FGGY: variants seen among roughly 807,000 people sequenced by gnomAD.
FGGY encodes the protein FGGY carbohydrate kinase domain containing, also known as FGGY carbohydrate kinase domain-containing protein.
Under a neutral mutation model 71.3 loss-of-function variants are expected in FGGY, and 72 were observed. That is an observed-to-expected ratio of 1.01 (90% CI 0.84 to 1.23). The LOEUF (loss-of-function observed/expected upper bound fraction) is 1.23, where lower values mean the gene tolerates loss of function less well. Among genes scored for constraint, FGGY ranks in the 50% most tolerant of loss-of-function variants. FGGY has a pLI of 0.00. For missense variants in FGGY, 668 were observed against 682.3 expected, an observed-to-expected ratio of 0.98 and a Z score of 0.23; for synonymous variants, 251 against 250.3, an observed-to-expected ratio of 1.00 and a Z score of -0.02.
intron 1 of FGGY, among the ~76,000 whole-genome samples, chr1:59,298,366 G>A (rs1474020953): frequency 2.0e-5 from 3 of 152,138 alleles, no homozygotes. Flanking sequence ...TGGGCCTGGA[G>A]ATCAATTTTG....
At chr1:59,335,770 G>A (rs116587353) in intron 2 of FGGY, among the ~76,000 whole-genome samples, 1,806 of 152,164 alleles carry the variant, frequency 0.012, 16 homozygotes, top group Non-Finnish European at 0.017. Flanking sequence ...CTAATGATTT[G>A]AGCACTTTTT....
intron 8 of FGGY, among the ~76,000 whole-genome samples, chr1:59,591,598 C>T (rs1263920910): frequency 3.3e-5 from 5 of 152,062 alleles, no homozygotes; most frequent in African/African-American, 1.2e-4. Flanking sequence ...GAGATATAGA[C>T]CAATGTAACA....
intron 4 of FGGY, among the ~76,000 whole-genome samples, chr1:59,360,127 G>GTTGTTA (rs60160244): frequency 2.2e-3 from 320 of 145,710 alleles, no homozygotes; most frequent in African/African-American, 7.6e-3. Flanking sequence ...TTCTATCATT[G>GTTGTTA]TTATTATTAT....
intron 1 of FGGY, among the ~76,000 whole-genome samples, chr1:59,306,792 A>G (rs2043501815): frequency 6.6e-6 from 1 of 152,236 alleles, no homozygotes; most frequent in African/African-American, 2.4e-5. Context: ...TATAGAGTGC[A>G]CTTAGGAAGG....
At chr1:59,355,574 A>G (rs1288629175) in intron 4 of FGGY, among the ~76,000 whole-genome samples, 1 of 148,974 alleles carries the variant, frequency 6.7e-6, no homozygotes, top group Non-Finnish European at 1.5e-5. Flanking sequence ...TTTTGGGCTT[A>G]TTTTCCTAAA....
intron 6 of FGGY, among the ~76,000 whole-genome samples, chr1:59,500,093 G>T (rs1389774719): frequency 6.6e-6 from 1 of 152,114 alleles, no homozygotes; most frequent in African/African-American, 2.4e-5. Context: ...ATGCTTGGTT[G>T]TCAGGACAAC....
intron 5 of FGGY, among the ~76,000 whole-genome samples, chr1:59,418,835 G>A (rs2064937596): frequency 1.3e-5 from 2 of 152,086 alleles, no homozygotes; most frequent in Admixed American, 6.5e-5. Flanking sequence ...TAGTGAAAAA[G>A]CAGCCTAAGA....
intron 14 of FGGY, among the ~76,000 whole-genome samples, chr1:59,679,969 C>T (rs2097480394): frequency 6.6e-6 from 1 of 152,098 alleles, no homozygotes; most frequent in Non-Finnish European, 1.5e-5. Context: ...AAATTAGAGG[C>T]ATATAATTGT....
intron 11 of FGGY, 29 bp downstream of exon 11, chr1:59,638,404 G>A: frequency 6.2e-7 from 1 of 1,612,284 alleles, no homozygotes; most frequent in Non-Finnish European, 8.5e-7. Context: ...TTGCACATGG[G>A]TGAAGGCAGG....
chr1:59,608,662 A>G (rs1401722737), intron 9 of FGGY, among the ~76,000 whole-genome samples: 5 of 152,076 alleles, frequency 3.3e-5, no homozygotes, highest in African/African-American at 1.2e-4. Flanking sequence ...GTGAAACCTC[A>G]TCTCTACTAA....
chr1:59,444,272 TA>T (rs1231610259), intron 5 of FGGY, among the ~76,000 whole-genome samples: 5 of 152,208 alleles, frequency 3.3e-5, no homozygotes, highest in African/African-American at 4.8e-5. Flanking sequence ...TTTTAACATT[TA>T]AACTTTATTT....
intron 14 of FGGY, among the ~76,000 whole-genome samples, chr1:59,706,957 G>C (rs189963658): frequency 5.3e-5 from 8 of 152,206 alleles, no homozygotes. Context: ...GTAGTCAGGG[G>C]TCCCTGGGCA....
chr1:59,319,799 G>A (rs2153119572), intron 1 of FGGY, among the ~76,000 whole-genome samples: 1 of 152,236 alleles, frequency 6.6e-6, no homozygotes, highest in African/African-American at 2.4e-5. Context: ...CCGTGCTGAG[G>A]CCCTGGGGTA....
intron 6 of FGGY, among the ~76,000 whole-genome samples, chr1:59,462,579 A>C (rs1177877428): frequency 1.3e-5 from 2 of 152,256 alleles, no homozygotes; most frequent in African/African-American, 4.8e-5. Context: ...GCTAATATCC[A>C]GAATCTACAG....
chr1:59,753,980 TGTAAAG>T (rs971255330), intron 14 of FGGY, among the ~76,000 whole-genome samples: 12 of 152,304 alleles, frequency 7.9e-5, no homozygotes, highest in Non-Finnish European at 1.3e-4. Context: ...TCAAAGAATA[TGTAAAG>T]GTAAAGGTAA....
chr1:59,539,906 C>T (rs1260487347), intron 7 of FGGY, among the ~76,000 whole-genome samples: 2 of 152,096 alleles, frequency 1.3e-5, no homozygotes, highest in Admixed American at 6.6e-5. Context: ...GAGAAAAGAA[C>T]AATTATTTTG....
intron 4 of FGGY, among the ~76,000 whole-genome samples, chr1:59,360,307 G>A (rs1243071517): frequency 6.6e-6 from 1 of 152,136 alleles, no homozygotes; most frequent in Non-Finnish European, 1.5e-5. Flanking sequence ...CCAGGGACTA[G>A]AGTGAAGCCT....
At chr1:59,466,421 A>G (rs1420469657) in intron 6 of FGGY, among the ~76,000 whole-genome samples, 5 of 152,076 alleles carry the variant, frequency 3.3e-5, no homozygotes, top group Admixed American at 2.6e-4. Context: ...AACCTAGGCA[A>G]TACCATTCAG....
chr1:59,425,701 C>G (rs1480778097), intron 5 of FGGY, among the ~76,000 whole-genome samples: 1 of 152,170 alleles, frequency 6.6e-6, no homozygotes, highest in Non-Finnish European at 1.5e-5. Context: ...CTCCTTTTCC[C>G]ACTGTTTTTT....
Sources: allele counts gnomAD v4.1 joint callset (sites outside exome capture counted in the v4.1 genomes callset), GRCh38; gene constraint gnomAD v4.1.1; transcripts MANE v1.5; gene names NCBI Gene and HGNC (gene_info 2026-07-23, HGNC 2026-07-21).